PGGT1B: variants seen among roughly 807,000 people sequenced by gnomAD.
The protein encoded by PGGT1B is protein geranylgeranyltransferase type I subunit beta.
In PGGT1B, 30 loss-of-function variants were observed where a neutral mutation model predicts 46.1. The ratio of observed to expected loss-of-function variants is 0.65; its 90% CI spans 0.49 to 0.88. PGGT1B has a LOEUF of 0.88. PGGT1B is among the 40% of genes least tolerant of loss of function. The pLI is 0.00. For missense variants in PGGT1B, 376 were observed against 455.9 expected (o/e 0.82, Z 1.60); for synonymous variants, 170 against 160.0 (o/e 1.06, Z -0.47).
intron 2 of PGGT1B, among the ~76,000 whole-genome samples, chr5:115,244,466 C>CAAAAAAAA (rs1299602640): frequency 6.4e-5 from 2 of 31,196 alleles, no homozygotes; most frequent in African/African-American, 2.4e-4. Context: ...CTCTGTCTCA[C>CAAAAAAAA]AAAAAAAAAA....
intron 6 of PGGT1B, among the ~76,000 whole-genome samples, chr5:115,230,109 TAAC>T (rs1490598788): frequency 1.3e-5 from 2 of 152,096 alleles, no homozygotes; most frequent in African/African-American, 4.8e-5. Flanking sequence ...CTTATAATAC[TAAC>T]AACAATCCTA....
chr5:115,243,025 A>G (rs1379752722), intron 2 of PGGT1B, among the ~76,000 whole-genome samples: 1 of 152,186 alleles, frequency 6.6e-6, no homozygotes, highest in African/African-American at 2.4e-5. Flanking sequence ...CTCTTATCCT[A>G]AGGACTTTTA....
intron 8 of PGGT1B, 149 bp from the exon 9 acceptor site, chr5:115,212,732 A>G (rs1305841825): frequency 1.8e-6 from 1 of 542,390 alleles, no homozygotes; most frequent in Admixed American, 3.7e-5. Context: ...TTGCTTTCTC[A>G]AAGCCTCAAA....
Position 115,227,285 on chromosome 5 carries a change from A to G in PGGT1B, c.658+3691T>C, listed in dbSNP as rs553206220. On this transcript the variant is annotated intron_variant, in intron 6 of 8. Coordinates refer to ENST00000419445, the MANE Select transcript of PGGT1B (RefSeq NM_005023.4). ...GGTTTTCTACTGTGTCAACTTGGCTAAGCTAGAATTCTGTTCCCCAGGATC... is the reference window on the plus strand; with the variant it reads ...GGTTTTCTACTGTGTCAACTTGGCTGAGCTAGAATTCTGTTCCCCAGGATC... Among the ~76,000 whole-genome samples, 25 of 152,302 alleles carry G rather than the reference A, an allele frequency of 1.6e-4. No homozygotes were observed. In the Middle Eastern group the frequency reaches 0.014, roughly 83 times the overall value.
At chr5:115,218,398 T>C (rs943142547) in intron 7 of PGGT1B, among the ~76,000 whole-genome samples, 4 of 48,248 alleles carry the variant, frequency 8.3e-5, no homozygotes, top group African/African-American at 4.7e-4. Context: ...TGTGTGTGTG[T>C]ATATATATAT....
At chr5:115,229,657 G>C (rs982078422) in intron 6 of PGGT1B, among the ~76,000 whole-genome samples, 3 of 152,098 alleles carry the variant, frequency 2.0e-5, no homozygotes, top group Non-Finnish European at 4.4e-5. Context: ...TGACTCCTTA[G>C]CCAGAGTGTA....
rs1227339151 is a variant in PGGT1B at position 115,212,042 on chromosome 5, TA to T, written c.*359del. 1 of 190,350 alleles carries T rather than the reference TA, an allele frequency of 5.3e-6. No homozygotes were observed. The highest frequency in any genetic ancestry group is 2.4e-5 in the African/African-American group (1 of 42,018). 11.8% of individuals were successfully genotyped at this position (190,350 alleles called of 1,614,324 possible). ...GTGTTCACCTGAAGATTATCAATGC[TA>T]TATGAAGTGTAAACTTGAAAATTTG... On this transcript the variant is annotated 3_prime_UTR_variant, in exon 9 of 9. Coordinates refer to ENST00000419445, the MANE Select transcript of PGGT1B (RefSeq NM_005023.4).
At chr5:115,257,782 C>G (rs1748386963) in intron 1 of PGGT1B, among the ~76,000 whole-genome samples, 1 of 152,132 alleles carries the variant, frequency 6.6e-6, no homozygotes, top group African/African-American at 2.4e-5. Context: ...ATGACTACAT[C>G]ATATTGCATC....
intron 5 of PGGT1B, among the ~76,000 whole-genome samples, chr5:115,233,000 AC>A (rs1277300934): frequency 1.6e-5 from 1 of 63,104 alleles, no homozygotes; most frequent in Non-Finnish European, 4.7e-5. Flanking sequence ...AAAAAAAGCC[AC>A]CCAGTAAAGA....
At position 115,207,716 on chromosome 5, in the gene PGGT1B, T is replaced by G. The variant is rs1756105795; in HGVS notation, c.*4686A>C. The G allele has an allele frequency of 6.6e-6, 1 of 152,214 alleles. No individual in the cohort carries two copies. Among genetic ancestry groups the G allele is most frequent in the South Asian group, 2.1e-4 (1 of 4,830 alleles). The allele number at this position is 152,214 out of a possible 1,614,324, so 9.4% of individuals were successfully genotyped here. ...TCCTTTGGGCTTTCTAGATACATAT[T>G]CATATCTGCAAATAGTTTTACCTCT... is the stretch of plus-strand genomic sequence containing the variant. On this transcript the variant is annotated 3_prime_UTR_variant, in exon 9 of 9. Transcript: ENST00000419445.
At chr5:115,254,603 T>C (rs986541112) in intron 1 of PGGT1B, among the ~76,000 whole-genome samples, 3 of 147,540 alleles carry the variant, frequency 2.0e-5, no homozygotes, top group Non-Finnish European at 4.5e-5. Flanking sequence ...TTTCTTCTCT[T>C]TTTTTTTTTT....
At position 115,207,754 on chromosome 5, in the gene PGGT1B, C is replaced by A. The variant is rs1398879237; in HGVS notation, c.*4648G>T. The stretch of plus-strand genomic sequence containing the variant: ...TAGTTTTACCTCTTCCTTTCCAATT[C>A]ACGTCTTTATTTTGTCTAACTTCAT... On this transcript the variant is annotated 3_prime_UTR_variant, in exon 9 of 9. Transcript: ENST00000419445. 6.6e-6 allele frequency: 1 copy of A among 151,888 alleles called. No homozygotes were observed. The highest frequency in any genetic ancestry group is 2.4e-5 in the African/African-American group (1 of 41,390). 9.4% of individuals were successfully genotyped at this position (151,888 alleles called of 1,614,324 possible).
intron 2 of PGGT1B, among the ~76,000 whole-genome samples, chr5:115,250,129 T>A (rs1748027002): frequency 6.6e-6 from 1 of 152,190 alleles, no homozygotes; most frequent in Non-Finnish European, 1.5e-5. Flanking sequence ...AAATATTTAT[T>A]TAGTCAAATC....
chr5:115,219,955 T>A (rs1250519807), intron 7 of PGGT1B, among the ~76,000 whole-genome samples: 1 of 151,764 alleles, frequency 6.6e-6, no homozygotes, highest in Non-Finnish European at 1.5e-5. Context: ...CAAATGTTGG[T>A]GAGGATGTAG....
intron 6 of PGGT1B, 55 bp downstream of exon 6, chr5:115,230,921 A>G: frequency 9.6e-7 from 1 of 1,037,912 alleles, no homozygotes; most frequent in Non-Finnish European, 1.5e-6. Flanking sequence ...AGACACCAAG[A>G]TGTTGTCTAA....
intron 1 of PGGT1B, among the ~76,000 whole-genome samples, chr5:115,254,269 C>A (rs1448262279): frequency 6.6e-6 from 1 of 151,874 alleles, no homozygotes; most frequent in Non-Finnish European, 1.5e-5. Flanking sequence ...ATGCTTGGGA[C>A]CAGAACTGTT....
chr5:115,222,487 T>C (rs1383438619), intron 6 of PGGT1B, among the ~76,000 whole-genome samples: 1 of 152,138 alleles, frequency 6.6e-6, no homozygotes, highest in East Asian at 1.9e-4. Context: ...TTAAGAATTT[T>C]AAGGAAGTAG....
At chr5:115,252,958 A>G in intron 2 of PGGT1B, 179 bp downstream of exon 2, 1 of 558,384 alleles carries the variant, frequency 1.8e-6, no homozygotes, top group Non-Finnish European at 3.1e-6. Flanking sequence ...TTTTCTTGAG[A>G]TTATGATCAG....
In PGGT1B at chr5:115,216,960, A is replaced by T. The variant is rs1443603516; in HGVS notation, c.857T>A (p.Phe286Tyr). The change falls in exon 8 of 9, where the codon TTC (phenylalanine) becomes TAC (tyrosine). Residue 286 changes from phenylalanine to tyrosine, a missense_variant. Phe to Tyr is a conservative substitution (Grantham distance 22). Around this residue, in one of 2 missense-constraint regions of PGGT1B, gnomAD observed 222 missense variants for 313.6 expected, o/e 0.71. Transcript: ENST00000419445. ...VGATLKLLKIFQYTNFEKNRN... is the reference protein window; with the variant it reads ...VGATLKLLKIYQYTNFEKNRN... ...ATTTTTCTCAAAGTTAGTGTATTGG[A>T]AAATTTTTAGAAGCTGAAATGACAT... 2.0e-6 allele frequency: 3 copies of T among 1,474,720 alleles called. No individual in the cohort carries two copies. The allele number at this position is 1,474,720 out of a possible 1,614,324, so 91.4% of individuals were successfully genotyped here. A position where few individuals can be genotyped will look rare whatever the true frequency, so the allele number is the denominator to read the frequency against.
Sources: allele counts gnomAD v4.1 joint callset (sites outside exome capture counted in the v4.1 genomes callset), GRCh38; gene constraint gnomAD v4.1.1; regional missense constraint gnomAD v4.1.1; transcripts MANE v1.5; gene names NCBI Gene and HGNC (gene_info 2026-07-23, HGNC 2026-07-21).